Variants in ABCA13 observed in about 807,000 individuals in gnomAD.
The protein encoded by ABCA13 is ATP binding cassette subfamily A member 13, also known as ATP-binding cassette sub-family A member 13.
A neutral mutation model predicts 478.7 loss-of-function variants in ABCA13; 476 were observed. The ratio of observed to expected loss-of-function variants is 0.99; its 90% CI spans 0.92 to 1.07. ABCA13 has a LOEUF of 1.07. Among genes scored for constraint, ABCA13 ranks in the 50% least tolerant of loss-of-function variants. The probability of loss-of-function intolerance (pLI) is 0.00; values close to 1 mark genes in which losing one functional copy is unlikely to be tolerated. For missense variants in ABCA13, 6,060 were observed against 5,910.6 expected (o/e 1.03, Z -0.83); for synonymous variants, 2,252 against 2,158.9 (o/e 1.04, Z -1.20).
At chr7:48,193,607 AGAT>A (rs1253993584) in intron 2 of ABCA13, among the ~76,000 whole-genome samples, 4 of 146,488 alleles carry the variant, frequency 2.7e-5, no homozygotes, top group South Asian at 2.4e-4. Flanking sequence ...ATGATGATGA[AGAT>A]GATGATAGTG....
intron 41 of ABCA13, 70 bp from the exon 42 acceptor site, chr7:48,427,696 G>A: frequency 1.0e-6 from 1 of 996,774 alleles, no homozygotes; most frequent in Non-Finnish European, 1.5e-6. Context: ...AGGCAATTGA[G>A]GCAGAAGAAA....
chr7:48,467,051 T>C lies in ABCA13; in HGVS notation c.12905+6T>C. 2 of 1,613,696 alleles carry C rather than the reference T, an allele frequency of 1.2e-6. No individual in the cohort carries two copies. The highest frequency in any genetic ancestry group is 1.1e-5 in the South Asian group (1 of 91,076). Reference sequence around the variant, plus strand: ...GCAGATTTAAACCCACGCCAGTAAGTGTCAGGTGCTCTCTGCAAAAGTGAA... The same window carrying C: ...GCAGATTTAAACCCACGCCAGTAAGCGTCAGGTGCTCTCTGCAAAAGTGAA... On this transcript the variant is annotated splice_donor_region_variant and intron_variant, in intron 44 of 61. Coordinates refer to ENST00000435803, the MANE Select transcript of ABCA13 (RefSeq NM_152701.5).
intron 47 of ABCA13, among the ~76,000 whole-genome samples, chr7:48,487,669 G>C (rs1829462163): frequency 6.6e-6 from 1 of 152,206 alleles, no homozygotes; most frequent in South Asian, 2.1e-4. Flanking sequence ...AGGCTAGTGG[G>C]AGGTTCCACT....
At chr7:48,604,699 T>G (rs1446797808) in intron 58 of ABCA13, among the ~76,000 whole-genome samples, 2 of 152,188 alleles carry the variant, frequency 1.3e-5, no homozygotes, top group African/African-American at 4.8e-5. Context: ...AGAATGTATA[T>G]TCTGTTGATT....
rs116375318 is a variant in ABCA13 at position 48,634,011 on chromosome 7, A to C, written c.14838-9277A>C. ...GAGAGATGTAAATAAAATAAAAATC[A>C]ATACCAAGATTTCTCAAAACCACAC... On this transcript the variant is annotated intron_variant, in intron 59 of 61. Coordinates refer to ENST00000435803, the MANE Select transcript of ABCA13 (RefSeq NM_152701.5). Among the ~76,000 whole-genome samples the C allele has an allele frequency of 8.6e-3, 1,313 of 152,266 alleles. 19 individuals are homozygous for C. The highest frequency in any genetic ancestry group is 0.029 in the African/African-American group (1,225 of 41,532).
chr7:48,232,190 C>A (rs948841245), intron 7 of ABCA13, among the ~76,000 whole-genome samples: 1 of 102,610 alleles, frequency 9.7e-6, no homozygotes, highest in African/African-American at 3.6e-5. Context: ...AAAGCTAGCT[C>A]ATTAACGTTT....
At chr7:48,588,765 A>G (rs1288212337) in intron 57 of ABCA13, among the ~76,000 whole-genome samples, 1 of 152,192 alleles carries the variant, frequency 6.6e-6, no homozygotes, top group East Asian at 1.9e-4. Flanking sequence ...CGTGACTATG[A>G]TGATGGTTAC....
At chr7:48,326,465 T>A (rs1804347982) in intron 27 of ABCA13, among the ~76,000 whole-genome samples, 1 of 152,254 alleles carries the variant, frequency 6.6e-6, no homozygotes, top group Non-Finnish European at 1.5e-5. Context: ...TTTTAATTTA[T>A]CAAACATATA....
chr7:48,269,186 T>G, intron 16 of ABCA13, 92 bp downstream of exon 16: 1 of 686,742 alleles, frequency 1.5e-6, no homozygotes, highest in Non-Finnish European at 2.5e-6. Context: ...TCTTTAAAAT[T>G]TATGAGCCTG....
chr7:48,628,053 G>C (rs79946821), intron 59 of ABCA13, among the ~76,000 whole-genome samples: 1 of 152,224 alleles, frequency 6.6e-6, no homozygotes. Flanking sequence ...GGGGGGACAC[G>C]CTCAAACCGT....
intron 23 of ABCA13, among the ~76,000 whole-genome samples, chr7:48,308,403 A>G (rs1801233213): frequency 6.6e-6 from 1 of 152,180 alleles, no homozygotes; most frequent in Admixed American, 6.5e-5. Flanking sequence ...ATAATATAGT[A>G]TAGTTAGTAC....
intron 55 of ABCA13, among the ~76,000 whole-genome samples, chr7:48,543,998 A>G (rs1784586125): frequency 6.6e-6 from 1 of 151,796 alleles, no homozygotes; most frequent in African/African-American, 2.4e-5. Context: ...TATTTATTCT[A>G]GTAAATAATT....
intron 45 of ABCA13, among the ~76,000 whole-genome samples, chr7:48,473,355 G>C (rs1447787114): frequency 6.6e-6 from 1 of 152,150 alleles, no homozygotes; most frequent in African/African-American, 2.4e-5. Context: ...GGAAAGGAAT[G>C]TGCTCACTGG....
At chr7:48,366,781 A>G (rs892059149) in intron 31 of ABCA13, among the ~76,000 whole-genome samples, 5 of 151,968 alleles carry the variant, frequency 3.3e-5, no homozygotes, top group Non-Finnish European at 5.9e-5. Context: ...TAACCCAAAC[A>G]CCTCTTAAAG....
intron 58 of ABCA13, among the ~76,000 whole-genome samples, 167 bp downstream of exon 58, chr7:48,594,980 G>C (rs1790136891): frequency 6.6e-6 from 1 of 152,190 alleles, no homozygotes; most frequent in East Asian, 1.9e-4. Context: ...TGAGACTGAA[G>C]CCATGAGGGA....
chr7:48,223,786 T>G lies in ABCA13; in HGVS notation c.468+2477T>G, dbSNP rs896647206. On this transcript the variant is annotated intron_variant, in intron 5 of 61. Coordinates refer to ENST00000435803, the MANE Select transcript of ABCA13 (RefSeq NM_152701.5). ...AGCCTGGCCAACATGATGAAACCACTTCTCTACTAAAAATACAAGAATGAT... is the reference window on the plus strand; with the variant it reads ...AGCCTGGCCAACATGATGAAACCACGTCTCTACTAAAAATACAAGAATGAT... 8.6e-5 allele frequency among the ~76,000 whole-genome samples: 13 copies of G among 151,814 alleles called. No individual in the cohort carries two copies. The East Asian group carries it at 2.5e-3, about 30-fold the overall frequency.
chr7:48,249,209 C>T lies in ABCA13; in HGVS notation c.1866-3C>T. On this transcript the variant is annotated splice_region_variant and splice_polypyrimidine_tract_variant and intron_variant, in intron 14 of 61. Coordinates refer to ENST00000435803, the MANE Select transcript of ABCA13 (RefSeq NM_152701.5). ...ATTTTCTCTGGATTCTTTTTGATTG[C>T]AGGATATTTCATACACTTGAAAAAA... The T allele has an allele frequency of 6.3e-7, 1 of 1,598,444 alleles. No individual in the cohort carries two copies. Among genetic ancestry groups the T allele is most frequent in the South Asian group, 1.1e-5 (1 of 88,188 alleles).
At chr7:48,375,655 A>G (rs767662093) in intron 34 of ABCA13, among the ~76,000 whole-genome samples, 1 of 152,078 alleles carries the variant, frequency 6.6e-6, no homozygotes, top group Non-Finnish European at 1.5e-5. Flanking sequence ...AAACCATGCT[A>G]TAAGTAAAAT....
At chr7:48,221,037 T>C (rs1787287577) in intron 4 of ABCA13, among the ~76,000 whole-genome samples, 1 of 152,166 alleles carries the variant, frequency 6.6e-6, no homozygotes, top group Non-Finnish European at 1.5e-5. Flanking sequence ...CTTTGGCAAA[T>C]TGTTGAAATT....
Sources: gnomAD v4.1 joint callset for allele counts (sites outside exome capture counted in the v4.1 genomes callset) on GRCh38, gnomAD v4.1.1 for gene constraint, MANE v1.5 for transcripts, NCBI Gene and HGNC (gene_info 2026-07-23, HGNC 2026-07-21) for gene names.